Variants in CA5A observed in about 807,000 individuals in gnomAD.
The protein encoded by CA5A is carbonic anhydrase 5A, mitochondrial.
In CA5A, 28 loss-of-function variants were observed where a neutral mutation model predicts 37.1. That is an observed-to-expected ratio of 0.75 (90% CI 0.56 to 1.03). CA5A has a LOEUF of 1.03. Among genes scored for constraint, CA5A ranks in the 50% least tolerant of loss-of-function variants. The probability of loss-of-function intolerance (pLI) is 0.00; values close to 1 mark genes in which losing one functional copy is unlikely to be tolerated. For synonymous variants in CA5A, 171 were observed against 158.4 expected, an observed-to-expected ratio of 1.08 and a Z score of -0.60; for missense variants, 444 against 399.9, an observed-to-expected ratio of 1.11 and a Z score of -0.94.
intron 2 of CA5A, among the ~76,000 whole-genome samples, chr16:87,908,810 C>T (rs2056004422): frequency 6.6e-6 from 1 of 151,972 alleles, no homozygotes; most frequent in Non-Finnish European, 1.5e-5. Context: ...TCTCCTCCTT[C>T]TTCTTCTGCT....
rs1470863230 is a variant in CA5A at position 87,926,884 on chromosome 16, G to T, written c.204C>A (p.Asn68Lys). The change falls in exon 2 of 7, where the codon AAC (asparagine) becomes AAA (lysine). Residue 68 changes from asparagine to lysine, a missense_variant. Transcript: ENST00000649794. ...CATAGACGCTGTCCCTCCACTGGAT[G>T]TTAATAGGAGACTGCCGGGTGCCCC... is the stretch of plus-strand genomic sequence containing the variant. ...VPGGTRQSPI[N>K]IQWRDSVYDP... 6.2e-7 allele frequency: 1 copy of T among 1,611,272 alleles called. No homozygotes were observed. Among genetic ancestry groups the T allele is most frequent in the Non-Finnish European group, 8.5e-7 (1 of 1,178,576 alleles).
Position 87,892,550 on chromosome 16 carries a change from AATAAT to A in CA5A, c.619-601_619-597del, listed in dbSNP as rs1567515041. On this transcript the variant is annotated intron_variant, in intron 5 of 6. Coordinates refer to ENST00000649794, the MANE Select transcript of CA5A (RefSeq NM_001739.2). Reference sequence around the variant, plus strand: ...TAATAATAATAATAATAATAATAATAATAATAAATTAATTAATAATAAAAATAAAA... The same window carrying A: ...TAATAATAATAATAATAATAATAATAAAATTAATTAATAATAAAAATAAAA... 8.6e-5 allele frequency among the ~76,000 whole-genome samples: 12 copies of A among 139,556 alleles called. No individual in the cohort carries two copies. In the East Asian group the frequency reaches 1.0e-3, roughly 12 times the overall value. The allele number at this position is 139,556 out of a possible 152,430, so 91.6% of individuals were successfully genotyped here.
At chr16:87,898,717 GCT>G (rs1487943625) in intron 5 of CA5A, among the ~76,000 whole-genome samples, 2 of 149,662 alleles carry the variant, frequency 1.3e-5, no homozygotes, top group African/African-American at 2.5e-5. Flanking sequence ...TGAGAATGCT[GCT>G]CTAGTGTGGA....
intron 2 of CA5A, among the ~76,000 whole-genome samples, chr16:87,921,871 T>TA (rs1491438250): frequency 1.4e-5 from 1 of 72,986 alleles, no homozygotes; most frequent in East Asian, 2.7e-4. Context: ...TTATTATTAT[T>TA]ATTATTATTT....
At chr16:87,906,599 A>C (rs993212567) in intron 2 of CA5A, among the ~76,000 whole-genome samples, 1 of 151,852 alleles carries the variant, frequency 6.6e-6, no homozygotes, top group Non-Finnish European at 1.5e-5. Flanking sequence ...TGTACTCCAG[A>C]CTGGGCGACG....
chr16:87,930,001 G>A (rs973127434), intron 1 of CA5A, among the ~76,000 whole-genome samples: 1 of 151,978 alleles, frequency 6.6e-6, no homozygotes, highest in Non-Finnish European at 1.5e-5. Flanking sequence ...CTACTCGTCA[G>A]TGTTAAAAAG....
chr16:87,898,007 C>A (rs1161870824), intron 5 of CA5A, among the ~76,000 whole-genome samples: 3 of 152,278 alleles, frequency 2.0e-5, no homozygotes, highest in East Asian at 1.9e-4. Flanking sequence ...GAAGCCAGGG[C>A]AGAAAAGGAC....
chr16:87,934,124 C>A (rs1260508235), intron 1 of CA5A, among the ~76,000 whole-genome samples: 1 of 152,266 alleles, frequency 6.6e-6, no homozygotes, highest in Non-Finnish European at 1.5e-5. Context: ...CAGCAGCTGG[C>A]GTCTAGCAAG....
At chr16:87,895,009 G>A (rs922879006) in intron 5 of CA5A, among the ~76,000 whole-genome samples, 2 of 152,174 alleles carry the variant, frequency 1.3e-5, no homozygotes, top group African/African-American at 4.8e-5. Flanking sequence ...CAGCACTTTG[G>A]GAGGCCGATG....
rs921065528 is a variant in CA5A at position 87,926,978 on chromosome 16, G to C, written c.143-33C>G. On this transcript the variant is annotated intron_variant, in intron 1 of 6. Transcript: ENST00000649794. ...GAGAGAGACGGAGACCCTGAGTGAG[G>C]CATGAGCTTCATCCTGTGTCTTGGA... The C allele has an allele frequency of 3.6e-6, 5 of 1,389,684 alleles. No individual in the cohort carries two copies. The African/African-American group carries it at 7.1e-5, about 20-fold the overall frequency. 86.1% of individuals were successfully genotyped at this position (1,389,684 alleles called of 1,614,324 possible).
rs200681449 is a variant in CA5A at position 87,936,371 on chromosome 16, G to A, written c.80C>T (p.Ser27Leu). ...AGAACACCATCGCCCTGGCCTCATC[G>A]AACGACTCCAGAGAGGGGCCCACAT... ...EQMWAPLWSR[S>L]MRPGRWCSQR... Residue 27 changes from serine to leucine, a missense_variant, in exon 1 of 7, where the codon TCG (serine) becomes TTG (leucine). Physicochemically the swap from Ser to Leu is moderately radical, Grantham distance 145. Coordinates refer to ENST00000649794, the MANE Select transcript of CA5A (RefSeq NM_001739.2). 5.0e-6 allele frequency: 8 copies of A among 1,613,842 alleles called. No individual in the cohort carries two copies. The highest frequency in any genetic ancestry group is 2.7e-5 in the African/African-American group (2 of 74,872).
chr16:87,924,655 C>G (rs1004739402), intron 2 of CA5A, among the ~76,000 whole-genome samples: 2 of 152,224 alleles, frequency 1.3e-5, no homozygotes, highest in African/African-American at 4.8e-5. Context: ...GAAGCTGGGA[C>G]GCAGCTGGGC....
intron 6 of CA5A, among the ~76,000 whole-genome samples, chr16:87,891,244 G>A (rs571411068): frequency 6.6e-6 from 1 of 151,772 alleles, no homozygotes; most frequent in South Asian, 2.1e-4. Context: ...AAGGTGGGCA[G>A]ATCACCTGAG....
chr16:87,903,109 A>G (rs1238874493), intron 3 of CA5A, among the ~76,000 whole-genome samples: 1 of 151,886 alleles, frequency 6.6e-6, no homozygotes, highest in Non-Finnish European at 1.5e-5. Context: ...TCTACTTCCT[A>G]GTTATCCTTG....
rs992058528 is a variant in CA5A at position 87,929,182 on chromosome 16, T to G, written c.143-2237A>C. On this transcript the variant is annotated intron_variant, in intron 1 of 6. Transcript: ENST00000649794. ...GATGTATAGCCCTGGCTGGGCGCGGTGGCTCACGCCTATAATCCCAGTAGT... is the reference window on the plus strand; with the variant it reads ...GATGTATAGCCCTGGCTGGGCGCGGGGGCTCACGCCTATAATCCCAGTAGT... Among the ~76,000 whole-genome samples the G allele has an allele frequency of 8.8e-5, 13 of 148,288 alleles. No individual in the cohort carries two copies. The South Asian group carries it at 9.2e-4, about 11-fold the overall frequency.
Position 87,917,089 on chromosome 16 carries a change from A to C in CA5A, c.340+9659T>G, listed in dbSNP as rs1224700586. On this transcript the variant is annotated intron_variant, in intron 2 of 6. Coordinates refer to ENST00000649794, the MANE Select transcript of CA5A (RefSeq NM_001739.2). Reference sequence around the variant, plus strand: ...CACTGCACTCCAGCCTGGGTGACAGAGCGAGAGTCTGTCTCAAAAAAAAAA... The same window carrying C: ...CACTGCACTCCAGCCTGGGTGACAGCGCGAGAGTCTGTCTCAAAAAAAAAA... 8.2e-5 allele frequency among the ~76,000 whole-genome samples: 12 copies of C among 145,536 alleles called. No homozygotes were observed. The Admixed American group carries it at 8.4e-4, about 10-fold the overall frequency.
chr16:87,898,729 A>ATTT lies in CA5A; in HGVS notation c.618+3180_618+3182dup, dbSNP rs59375883. 1.5e-3 allele frequency among the ~76,000 whole-genome samples: 170 copies of ATTT among 115,046 alleles called. 1 individual carries two copies. The highest frequency in any genetic ancestry group is 1.8e-3 in the African/African-American group (52 of 28,486). 75.5% of individuals were successfully genotyped at this position (115,046 alleles called of 152,430 possible). A position where few individuals can be genotyped will look rare whatever the true frequency, so the allele number is the denominator to read the frequency against. On this transcript the variant is annotated intron_variant, in intron 5 of 6. Coordinates refer to ENST00000649794, the MANE Select transcript of CA5A (RefSeq NM_001739.2). The stretch of plus-strand genomic sequence containing the variant: ...TGGTGAGAATGCTGCTCTAGTGTGG[A>ATTT]TTTTTTTTTTTTTTTTTTTTTTGGA...
intron 5 of CA5A, among the ~76,000 whole-genome samples, chr16:87,899,185 T>G (rs1031390634): frequency 6.6e-6 from 1 of 151,974 alleles, no homozygotes; most frequent in Non-Finnish European, 1.5e-5. Context: ...CTCCCAGAAG[T>G]CCTAGGCTAG....
chr16:87,889,877 T>C (rs2055688854), intron 6 of CA5A, among the ~76,000 whole-genome samples: 1 of 152,262 alleles, frequency 6.6e-6, no homozygotes, highest in Non-Finnish European at 1.5e-5. Flanking sequence ...CGCATTTGAT[T>C]ACATTCAGAA....
Sources: allele counts gnomAD v4.1 joint callset (sites outside exome capture counted in the v4.1 genomes callset), GRCh38; gene constraint gnomAD v4.1.1; transcripts MANE v1.5; gene names NCBI Gene and HGNC (gene_info 2026-07-23, HGNC 2026-07-21).